The following CFAP54 variants were observed in gnomAD, a reference collection of about 807,000 sequenced individuals.
CFAP54 encodes cilia- and flagella-associated protein 54.
CFAP54 carries 290 observed loss-of-function variants against 370.4 expected under a neutral mutation model. The ratio of observed to expected loss-of-function variants is 0.78; its 90% confidence interval spans 0.71 to 0.86. The LOEUF is 0.86. CFAP54 is among the 40% of genes least tolerant of loss of function. The probability of loss-of-function intolerance (pLI) is 0.00; values close to 1 mark genes in which losing one functional copy is unlikely to be tolerated. For missense variants in CFAP54, 3,399 were observed against 3,528.7 expected (o/e 0.96, Z 0.93); for synonymous variants, 1,206 against 1,236.5 (o/e 0.98, Z 0.52).
At chr12:96,742,737 A>G in intron 52 of CFAP54, 151 bp downstream of exon 52, 1 of 810,466 alleles carries the variant, frequency 1.2e-6, no homozygotes, top group South Asian at 1.8e-5. Context: ...ATTAATATAT[A>G]GGAATATTTT....
intron 50 of CFAP54, among the ~76,000 whole-genome samples, chr12:96,720,906 G>A (rs1268058815): frequency 6.6e-6 from 1 of 151,956 alleles, no homozygotes; most frequent in African/African-American, 2.4e-5. Context: ...TGTAATCCCA[G>A]CTACTCGGGA....
At chr12:96,719,293 G>A (rs1426688546) in intron 49 of CFAP54, among the ~76,000 whole-genome samples, 2 of 152,084 alleles carry the variant, frequency 1.3e-5, no homozygotes, top group African/African-American at 4.8e-5. Flanking sequence ...TCCAGGAGAA[G>A]GACTACATCT....
rs138290405 is a variant in CFAP54, at chr12:96,834,727, CTCCTTCTT to C, written c.9171+5641_9171+5648del. On this transcript the variant is annotated intron_variant, in intron 66 of 67. Transcript: ENST00000524981. ...GTCCCAGAAGGGCCACAGCTCTTCT[CTCCTTCTT>C]TTCTCCTGCAACATGGCGAGCAAAG... is the stretch of plus-strand genomic sequence containing the variant. Among the ~76,000 whole-genome samples, 744 of 152,352 alleles carry C rather than the reference CTCCTTCTT, an allele frequency of 4.9e-3. 3 individuals carry two copies. Among genetic ancestry groups the C allele is most frequent in the African/African-American group, 0.017 (702 of 41,594 alleles).
chr12:96,625,612 C>T (rs1956541864), intron 28 of CFAP54, 106 bp from the exon 29 acceptor site: 3 of 587,782 alleles, frequency 5.1e-6, no homozygotes, highest in South Asian at 5.5e-5. Context: ...ATAGTATTTT[C>T]CTGTTTTGTC....
chr12:96,577,530 G>A (rs1287710702), intron 20 of CFAP54, among the ~76,000 whole-genome samples: 2 of 151,968 alleles, frequency 1.3e-5, no homozygotes, highest in Non-Finnish European at 2.9e-5. Context: ...ATGTCAACTT[G>A]GTATAGTAGA....
At chr12:96,696,888 T>G (rs1003898923) in intron 45 of CFAP54, among the ~76,000 whole-genome samples, 2 of 152,156 alleles carry the variant, frequency 1.3e-5, no homozygotes, top group African/African-American at 2.4e-5. Flanking sequence ...GAGAGAAAAG[T>G]CATAGTCAGG....
At chr12:96,603,612 C>T (rs1472772416) in intron 26 of CFAP54, among the ~76,000 whole-genome samples, 1 of 152,224 alleles carries the variant, frequency 6.6e-6, no homozygotes, top group Non-Finnish European at 1.5e-5. Flanking sequence ...TAGATCTGGT[C>T]TTTTCACATA....
intron 33 of CFAP54, chr12:96,645,120 A>G (rs951450785): frequency 8.8e-6 from 4 of 456,390 alleles, no homozygotes; most frequent in Non-Finnish European, 1.8e-5. Context: ...GATCATATTT[A>G]CTCACCCAAT....
chr12:96,631,138 G>A (rs1046542268), intron 32 of CFAP54, among the ~76,000 whole-genome samples: 10 of 151,466 alleles, frequency 6.6e-5, no homozygotes, highest in Non-Finnish European at 1.3e-4. Flanking sequence ...AATTTACACC[G>A]CATAGATATT....
intron 60 of CFAP54, among the ~76,000 whole-genome samples, chr12:96,770,686 C>T (rs952222425): frequency 6.6e-6 from 1 of 152,146 alleles, no homozygotes; most frequent in African/African-American, 2.4e-5. Flanking sequence ...GGATGAGTGG[C>T]ACCTGATGCT....
chr12:96,756,327 TG>T (rs1473592514), intron 56 of CFAP54, 130 bp from the exon 57 acceptor site: 2 of 586,408 alleles, frequency 3.4e-6, no homozygotes, highest in Non-Finnish European at 3.0e-6. Flanking sequence ...GCTTACCTTC[TG>T]GAAGAAATAG....
chr12:96,693,693 T>G, intron 44 of CFAP54, 29 bp from the exon 45 acceptor site: 1 of 1,367,412 alleles, frequency 7.3e-7, no homozygotes, highest in South Asian at 1.3e-5. Flanking sequence ...AAATATATTT[T>G]GAAACAAAGA....
Position 96,609,817 on chromosome 12 carries a change from T to G in CFAP54, c.3639+11050T>G, listed in dbSNP as rs1041683318. 3.3e-5 allele frequency among the ~76,000 whole-genome samples: 5 copies of G among 152,234 alleles called. No individual in the cohort carries two copies. The South Asian group carries it at 1.0e-3, about 32-fold the overall frequency. ...TATACCACTCATAATACACAATATT[T>G]AAAACTTAACAAAATGTTAAAGAAT... On this transcript the variant is annotated intron_variant, in intron 26 of 67. Coordinates refer to ENST00000524981, the MANE Select transcript of CFAP54 (RefSeq NM_001306084.2).
At position 96,675,978 on chromosome 12, in the gene CFAP54, C is replaced by A. The variant is rs941527717; in HGVS notation, c.5564-3622C>A. ...GGGAGGGATAGCATTAGGAGATATA[C>A]CTAATGCTAAATGACGAGTTAGTGG... On this transcript the variant is annotated intron_variant, in intron 39 of 67. Coordinates refer to ENST00000524981, the MANE Select transcript of CFAP54 (RefSeq NM_001306084.2). Among the ~76,000 whole-genome samples, 8 of 152,036 alleles carry A rather than the reference C, an allele frequency of 5.3e-5. No individual in the cohort carries two copies. The East Asian group carries it at 1.5e-3, about 29-fold the overall frequency.
chr12:96,579,412 CA>C (rs1956010278), intron 20 of CFAP54, among the ~76,000 whole-genome samples: 1 of 152,118 alleles, frequency 6.6e-6, no homozygotes, highest in South Asian at 2.1e-4. Flanking sequence ...TCATTCTGTA[CA>C]AATTTGTATT....
intron 42 of CFAP54, among the ~76,000 whole-genome samples, chr12:96,688,386 G>C (rs554197135): frequency 1.3e-5 from 2 of 152,088 alleles, no homozygotes; most frequent in African/African-American, 4.8e-5. Context: ...TTTACTGTGC[G>C]CCCCCTTTTA....
intron 9 of CFAP54, among the ~76,000 whole-genome samples, chr12:96,533,077 T>C (rs1955458449): frequency 6.6e-6 from 1 of 152,146 alleles, no homozygotes; most frequent in Admixed American, 6.5e-5. Context: ...ATGGACAACC[T>C]TATTGCTCAA....
Position 96,743,897 on chromosome 12 carries a change from T to C in CFAP54, c.7544T>C (p.Ile2515Thr). The stretch of plus-strand genomic sequence containing the variant: ...AATTTGTTAACTCGGGCTCATAGCA[T>C]TCTAACTGAACAGGTGAGAATGCTT... ...KLNLLTRAHS[I>T]LTEQMLAFGE... The change falls in exon 54 of 68, where the codon ATT becomes ACT. Residue 2515 changes from isoleucine to threonine, a missense_variant. Physicochemically the swap from Ile to Thr is moderately conservative, Grantham distance 89. Coordinates refer to ENST00000524981, the MANE Select transcript of CFAP54 (RefSeq NM_001306084.2). 1 of 1,612,744 alleles carries C rather than the reference T, an allele frequency of 6.2e-7. No individual in the cohort carries two copies. The highest frequency in any genetic ancestry group is 8.5e-7 in the Non-Finnish European group (1 of 1,179,576).
intron 66 of CFAP54, among the ~76,000 whole-genome samples, chr12:96,849,396 G>A (rs1257155457): frequency 6.6e-6 from 1 of 152,134 alleles, no homozygotes; most frequent in Non-Finnish European, 1.5e-5. Flanking sequence ...TAAGCATTTG[G>A]CTCCTCCACC....
Sources: allele counts gnomAD v4.1 joint callset (sites outside exome capture counted in the v4.1 genomes callset), GRCh38; gene constraint gnomAD v4.1.1; transcripts MANE v1.5; gene names NCBI Gene and HGNC (gene_info 2026-07-23, HGNC 2026-07-21).